TMEM161B: variants seen among roughly 807,000 people sequenced by gnomAD.
The protein encoded by TMEM161B is transmembrane protein 161B.
A neutral mutation model predicts 61.8 loss-of-function variants in TMEM161B; 34 were observed. The observed-to-expected ratio is 0.55, with a 90% confidence interval of 0.42 to 0.73. The LOEUF is 0.73. TMEM161B is among the 30% of genes least tolerant of loss of function. The probability of loss-of-function intolerance (pLI) is 0.00; values close to 1 mark genes in which losing one functional copy is unlikely to be tolerated. For synonymous variants in TMEM161B, 167 were observed against 192.8 expected (o/e 0.87, Z 1.11); for missense variants, 456 against 558.5 (o/e 0.82, Z 1.85).
intron 1 of TMEM161B, among the ~76,000 whole-genome samples, chr5:88,249,403 T>G (rs1388260339): frequency 6.6e-6 from 1 of 152,166 alleles, no homozygotes; most frequent in Non-Finnish European, 1.5e-5. Context: ...CATTTCTAAC[T>G]GCACAAGGGG....
At chr5:88,197,473 A>G (rs766189918) in intron 11 of TMEM161B, among the ~76,000 whole-genome samples, 196 bp downstream of exon 11, 4 of 152,184 alleles carry the variant, frequency 2.6e-5, no homozygotes, top group Non-Finnish European at 4.4e-5. Context: ...GCATAAAGTT[A>G]TAAAACCATG....
intron 1 of TMEM161B, among the ~76,000 whole-genome samples, chr5:88,241,465 T>C (rs1752725071): frequency 6.6e-6 from 1 of 151,886 alleles, no homozygotes; most frequent in Non-Finnish European, 1.5e-5. Flanking sequence ...ATTAAGGATA[T>C]CAAAATGAAG....
At chr5:88,239,205 T>C (rs1752346923) in intron 2 of TMEM161B, among the ~76,000 whole-genome samples, 2 of 152,040 alleles carry the variant, frequency 1.3e-5, no homozygotes, top group South Asian at 2.1e-4. Context: ...GTATAAATTT[T>C]ATAGAAATAG....
chr5:88,246,682 C>A (rs576683191), intron 1 of TMEM161B, among the ~76,000 whole-genome samples: 1 of 152,016 alleles, frequency 6.6e-6, no homozygotes, highest in African/African-American at 2.4e-5. Context: ...TATACAAAAG[C>A]AGAACTTTGA....
intron 2 of TMEM161B, among the ~76,000 whole-genome samples, chr5:88,234,439 C>T (rs1751521917): frequency 6.6e-6 from 1 of 152,140 alleles, no homozygotes; most frequent in African/African-American, 2.4e-5. Flanking sequence ...ATCATAGATT[C>T]CAAGTAAAAC....
chr5:88,197,270 A>G (rs1475487302), intron 11 of TMEM161B, among the ~76,000 whole-genome samples: 2 of 152,160 alleles, frequency 1.3e-5, no homozygotes, highest in African/African-American at 2.4e-5. Flanking sequence ...TAAGTTATCT[A>G]AACTAGAACT....
At chr5:88,204,923 A>T (rs1360778359) in intron 8 of TMEM161B, among the ~76,000 whole-genome samples, 1 of 152,190 alleles carries the variant, frequency 6.6e-6, no homozygotes, top group Non-Finnish European at 1.5e-5. Flanking sequence ...AAAAGACTAA[A>T]GAATCAGCAT....
chr5:88,248,555 T>C (rs1358349297), intron 1 of TMEM161B, among the ~76,000 whole-genome samples: 1 of 152,026 alleles, frequency 6.6e-6, no homozygotes, highest in Admixed American at 6.6e-5. Flanking sequence ...ATTCTTGCGG[T>C]TCCATGAGGA....
intron 4 of TMEM161B, chr5:88,221,896 C>T (rs1749059238): frequency 1.5e-5 from 5 of 342,548 alleles, no homozygotes; most frequent in South Asian, 1.2e-4. Flanking sequence ...GATACGATAT[C>T]CTTATAGAAA....
At chr5:88,185,866 C>T (rs956670819), downstream of TMEM161B, among the ~76,000 whole-genome samples, 7 of 152,020 alleles carry the variant, frequency 4.6e-5, no homozygotes, top group Non-Finnish European at 7.4e-5. Flanking sequence ...TCAAACAGAC[C>T]AAAAAATGTT....
chr5:88,202,845 T>C (rs1449408087), intron 9 of TMEM161B, 117 bp downstream of exon 9: 2 of 759,388 alleles, frequency 2.6e-6, no homozygotes, highest in Non-Finnish European at 4.7e-6. Flanking sequence ...TTAGCATTCC[T>C]ATTAATGTCT....
Position 88,195,256 on chromosome 5 carries a change from T to C in TMEM161B, c.*955A>G. The C allele has an allele frequency of 6.3e-6, 6 of 951,610 alleles. No individual in the cohort carries two copies. The highest frequency in any genetic ancestry group is 7.5e-6 in the Non-Finnish European group (6 of 799,064). The allele number at this position is 951,610 out of a possible 1,614,324, so 58.9% of individuals were successfully genotyped here. A position where few individuals can be genotyped will look rare whatever the true frequency, so the allele number is the denominator to read the frequency against. On this transcript the variant is annotated 3_prime_UTR_variant, in exon 12 of 12. Coordinates refer to ENST00000296595, the MANE Select transcript of TMEM161B (RefSeq NM_153354.5). ...TCATTCCAAAAAGAAATAAAATTTC[T>C]AGATACAAATACATCTCATTCAAGT... is the stretch of plus-strand genomic sequence containing the variant.
At chr5:88,229,413 C>A (rs1011647773) in intron 2 of TMEM161B, among the ~76,000 whole-genome samples, 1 of 151,888 alleles carries the variant, frequency 6.6e-6, no homozygotes, top group African/African-American at 2.4e-5. Flanking sequence ...CTGCAAAATT[C>A]TCTCACTGGT....
downstream of TMEM161B, among the ~76,000 whole-genome samples, chr5:88,193,419 T>C (rs1749167194): frequency 1.3e-5 from 2 of 152,152 alleles, no homozygotes; most frequent in African/African-American, 4.8e-5. Context: ...AAAATATTAC[T>C]TGGTTTACAT....
downstream of TMEM161B, among the ~76,000 whole-genome samples, chr5:88,191,953 T>C (rs1430495872): frequency 5.8e-5 from 2 of 34,328 alleles, no homozygotes; most frequent in African/African-American, 1.4e-4. Context: ...CAAGACTCTG[T>C]CTCAAAAAAA....
At chr5:88,263,892 G>A (rs1385625479) in intron 1 of TMEM161B, among the ~76,000 whole-genome samples, 1 of 152,180 alleles carries the variant, frequency 6.6e-6, no homozygotes, top group East Asian at 1.9e-4. Context: ...AGAAAGCAGT[G>A]AAGGAAAGCA....
intron 1 of TMEM161B, among the ~76,000 whole-genome samples, chr5:88,265,487 C>T (rs886096899): frequency 1.2e-4 from 18 of 152,186 alleles, no homozygotes; most frequent in African/African-American, 4.1e-4. Flanking sequence ...AATGCCACCA[C>T]TGATCTGACA....
intron 1 of TMEM161B, among the ~76,000 whole-genome samples, chr5:88,253,426 C>T (rs1186164826): frequency 6.6e-6 from 1 of 152,114 alleles, no homozygotes; most frequent in African/African-American, 2.4e-5. Context: ...ACAGAGGTGA[C>T]ATCCGAACTA....
At chr5:88,199,317 C>T (rs888914608) in intron 9 of TMEM161B, 167 bp from the exon 10 acceptor site, 6 of 534,260 alleles carry the variant, frequency 1.1e-5, no homozygotes, top group South Asian at 8.9e-5. Context: ...AATACTTTAA[C>T]TTGAATAACA....
Sources: allele counts gnomAD v4.1 joint callset (sites outside exome capture counted in the v4.1 genomes callset), GRCh38; gene constraint gnomAD v4.1.1; transcripts MANE v1.5; gene names NCBI Gene and HGNC (gene_info 2026-07-23, HGNC 2026-07-21).